WASHC4: variants seen among roughly 807,000 people sequenced by gnomAD.
WASHC4 encodes WASH complex subunit 7.
In WASHC4, 86 loss-of-function variants were observed where a neutral mutation model predicts 166.6. The observed-to-expected ratio is 0.52, with a 90% CI of 0.43 to 0.62. The LOEUF is 0.62. Ranked by LOEUF, WASHC4 falls within the 20% of genes least tolerant of loss-of-function variation. The pLI, the probability that WASHC4 is intolerant of heterozygous loss-of-function variation, is 0.00. For synonymous variants in WASHC4, 446 were observed against 451.6 expected, an observed-to-expected ratio of 0.99 and a Z score of 0.16; for missense variants, 1,262 against 1,382.4, an observed-to-expected ratio of 0.91 and a Z score of 1.38.
chr12:105,133,018 C>A (rs185386274), intron 13 of WASHC4, among the ~76,000 whole-genome samples: 18 of 152,170 alleles, frequency 1.2e-4, no homozygotes, highest in Non-Finnish European at 2.5e-4. Context: ...AGTTTATTTT[C>A]AACTCATCAG....
intron 28 of WASHC4, among the ~76,000 whole-genome samples, chr12:105,159,049 G>T (rs868500902): frequency 6.6e-6 from 1 of 152,194 alleles, no homozygotes; most frequent in Non-Finnish European, 1.5e-5. Flanking sequence ...TAAGCTCTTT[G>T]CCAGATTACA....
intron 6 of WASHC4, among the ~76,000 whole-genome samples, chr12:105,117,334 A>G (rs1880282216): frequency 6.6e-6 from 1 of 152,174 alleles, no homozygotes; most frequent in African/African-American, 2.4e-5. Flanking sequence ...ATTTAAAACC[A>G]CATATATCTA....
chr12:105,139,425 G>GTGTGTGTGTGTGTATA lies in WASHC4; in HGVS notation c.1453-868_1453-867insGTGTGTGTGTGTATAT. Among the ~76,000 whole-genome samples, 966 of 103,120 alleles carry GTGTGTGTGTGTGTATA rather than the reference G, an allele frequency of 9.4e-3. 30 individuals carry two copies. The highest frequency in any genetic ancestry group is 0.042 in the Admixed American group (381 of 9,074). The allele number at this position is 103,120 out of a possible 152,430, so 67.7% of individuals were successfully genotyped here. ...AGACAGACTATATATATGTGTGTGT[G>GTGTGTGTGTGTGTATA]TATATATATATATATATATATATAT... On this transcript the variant is annotated intron_variant, in intron 15 of 32. Transcript: ENST00000332180.
At chr12:105,134,442 G>A (rs968622878) in intron 14 of WASHC4, among the ~76,000 whole-genome samples, 1 of 152,236 alleles carries the variant, frequency 6.6e-6, no homozygotes, top group East Asian at 1.9e-4. Flanking sequence ...TGAGAGTCAT[G>A]TTAGAATTTC....
chr12:105,133,923 A>G, intron 14 of WASHC4, 27 bp downstream of exon 14: 2 of 1,602,434 alleles, frequency 1.2e-6, no homozygotes, highest in South Asian at 1.1e-5. Flanking sequence ...TCGGGGAATC[A>G]TTTTTTTGTT....
intron 10 of WASHC4, among the ~76,000 whole-genome samples, chr12:105,123,375 C>T (rs1472394830): frequency 6.6e-6 from 1 of 152,048 alleles, no homozygotes; most frequent in Non-Finnish European, 1.5e-5. Flanking sequence ...ACTAGCTAGC[C>T]AACGTGTGAA....
Position 105,126,068 on chromosome 12 carries a change from T to G in WASHC4, c.851T>G (p.Phe284Cys). 1 of 1,612,990 alleles carries G rather than the reference T, an allele frequency of 6.2e-7. No individual in the cohort carries two copies. The highest frequency in any genetic ancestry group is 1.7e-4 in the Middle Eastern group (1 of 6,050). Reference protein sequence around the residue: ...GGVSVSKNSTFAEEFAHSIRS... With the variant: ...GGVSVSKNSTCAEEFAHSIRS... ...GTATCTGTGTCAAAAAATAGTACTT[T>G]TGCTGAGGAATTTGCACATAGTATT... The change falls in exon 11 of 33, where the codon TTT (phenylalanine) becomes TGT (cysteine). Residue 284 changes from phenylalanine (F) to cysteine (C), a missense_variant. Phe to Cys is a radical substitution (Grantham distance 205, BLOSUM62 -2). Transcript: ENST00000332180.
intron 14 of WASHC4, among the ~76,000 whole-genome samples, chr12:105,134,287 T>A (rs1199771388): frequency 6.6e-6 from 1 of 152,138 alleles, no homozygotes; most frequent in Non-Finnish European, 1.5e-5. Context: ...TGAAATTTGC[T>A]TTATGGCCTA....
Position 105,144,745 on chromosome 12 carries a change from C to T in WASHC4, c.2207C>T (p.Thr736Ile), listed in dbSNP as rs372480465. ...TACGTAACTCACTACCTAGACAAGA[C>T]TTTCTACAATCTAACAACTGTAGCC... ...RAYVTHYLDK[T>I]FYNLTTVALH... The change falls in exon 22 of 33, where the codon ACT becomes ATT. Residue 736 changes from threonine (T) to isoleucine (I), a missense_variant. Physicochemically the swap from Thr to Ile is moderately conservative, Grantham distance 89. Transcript: ENST00000332180. The T allele has an allele frequency of 3.7e-6, 6 of 1,611,488 alleles. No homozygotes were observed. Among genetic ancestry groups the T allele is most frequent in the Admixed American group, 1.7e-5 (1 of 59,846 alleles).
At chr12:105,114,593 A>C (rs1329789831) in intron 4 of WASHC4, among the ~76,000 whole-genome samples, 166 bp downstream of exon 4, 1 of 152,074 alleles carries the variant, frequency 6.6e-6, no homozygotes, top group Non-Finnish European at 1.5e-5. Flanking sequence ...TAGTATGTAC[A>C]AAACACCAGG....
chr12:105,123,020 A>G (rs1439827626), intron 10 of WASHC4, among the ~76,000 whole-genome samples: 1 of 152,222 alleles, frequency 6.6e-6, no homozygotes, highest in Non-Finnish European at 1.5e-5. Context: ...AGTCATATCA[A>G]AAGTAGAGAT....
At chr12:105,143,078 T>A in intron 19 of WASHC4, 49 bp from the exon 20 acceptor site, 1 of 1,150,808 alleles carries the variant, frequency 8.7e-7, no homozygotes, top group South Asian at 1.2e-5. Context: ...TTGTTTAGAT[T>A]AGAGACCTGG....
chr12:105,155,150 G>A (rs1332007511), intron 26 of WASHC4: 3 of 152,170 alleles, frequency 2.0e-5, no homozygotes, highest in East Asian at 3.8e-4. Context: ...AGAAGACAAA[G>A]GCTGTACTCA....
At chr12:105,145,732 A>G (rs1332159469) in intron 22 of WASHC4, among the ~76,000 whole-genome samples, 1 of 152,120 alleles carries the variant, frequency 6.6e-6, no homozygotes, top group Non-Finnish European at 1.5e-5. Flanking sequence ...AAAAACTTAA[A>G]AAGGTATTGT....
At chr12:105,127,054 A>G (rs1184365291) in intron 12 of WASHC4, 75 bp from the exon 13 acceptor site, 3 of 1,224,804 alleles carry the variant, frequency 2.4e-6, no homozygotes, top group Non-Finnish European at 3.6e-6. Context: ...TTCCATGTGT[A>G]TTATAGAACT....
At chr12:105,107,956 G>C in intron 1 of WASHC4, 95 bp downstream of exon 1, 1 of 914,164 alleles carries the variant, frequency 1.1e-6, no homozygotes, top group Non-Finnish European at 1.7e-6. Context: ...GGACGGCTGC[G>C]CAGCCGTCTG....
At position 105,152,333 on chromosome 12, in the gene WASHC4, T is replaced by C; in HGVS notation, c.2650-10T>C. 1 of 1,410,882 alleles carries C rather than the reference T, an allele frequency of 7.1e-7. No homozygotes were observed. The highest frequency in any genetic ancestry group is 1.0e-6 in the Non-Finnish European group (1 of 995,670). 87.4% of individuals were successfully genotyped at this position (1,410,882 alleles called of 1,614,324 possible). A position where few individuals can be genotyped will look rare whatever the true frequency, so the allele number is the denominator to read the frequency against. On this transcript the variant is annotated splice_polypyrimidine_tract_variant and intron_variant, in intron 25 of 32. Coordinates refer to ENST00000332180, the MANE Select transcript of WASHC4 (RefSeq NM_015275.3). Reference sequence around the variant, plus strand: ...CTTTATTAAAAGTAGCCTTAAAATTTTCTGTCTAGTATCCTTTTGATAGAG... The same window carrying C: ...CTTTATTAAAAGTAGCCTTAAAATTCTCTGTCTAGTATCCTTTTGATAGAG...
At chr12:105,150,110 A>G (rs897076473) in intron 25 of WASHC4, among the ~76,000 whole-genome samples, 1 of 152,200 alleles carries the variant, frequency 6.6e-6, no homozygotes, top group African/African-American at 2.4e-5. Context: ...GTATATAAAC[A>G]TGTATATTTA....
intron 13 of WASHC4, among the ~76,000 whole-genome samples, chr12:105,130,791 C>A (rs1881729771): frequency 6.6e-6 from 1 of 152,206 alleles, no homozygotes; most frequent in South Asian, 2.1e-4. Flanking sequence ...TGGATTTTTG[C>A]ATTTTGCTTT....
Sources: allele counts gnomAD v4.1 joint callset (sites outside exome capture counted in the v4.1 genomes callset), GRCh38; gene constraint gnomAD v4.1.1; transcripts MANE v1.5; gene names NCBI Gene and HGNC (gene_info 2026-07-23, HGNC 2026-07-21).